The following SORCS2 variants were observed in gnomAD, a reference collection of about 807,000 sequenced individuals.
SORCS2 encodes VPS10 domain-containing receptor SorCS2.
SORCS2 carries 100 observed loss-of-function variants against 141.6 expected under a neutral mutation model. That is an observed-to-expected ratio of 0.71 (90% CI 0.60 to 0.83). The LOEUF is 0.83. Among genes scored for constraint, SORCS2 ranks in the 40% least tolerant of loss-of-function variants. The pLI is 0.00. For missense variants in SORCS2, 1,646 were observed against 1,560.2 expected (o/e 1.05, Z -0.93); for synonymous variants, 789 against 676.9 (o/e 1.17, Z -2.57).
At chr4:7,490,814 T>A (rs1203249570) in intron 2 of SORCS2, among the ~76,000 whole-genome samples, 2 of 152,100 alleles carry the variant, frequency 1.3e-5, no homozygotes, top group African/African-American at 4.8e-5. Flanking sequence ...CCTCGGGGTG[T>A]CCCCGCTGCA....
intron 11 of SORCS2, among the ~76,000 whole-genome samples, chr4:7,690,361 G>A (rs558325167): frequency 1.0e-3 from 156 of 151,498 alleles, no homozygotes; most frequent in African/African-American, 3.7e-3. Flanking sequence ...ATGGATGGAT[G>A]AGTGGGTGGA....
intron 14 of SORCS2, among the ~76,000 whole-genome samples, chr4:7,707,691 G>C (rs1421592106): frequency 6.6e-6 from 1 of 152,230 alleles, no homozygotes; most frequent in African/African-American, 2.4e-5. Context: ...GGCTTCACTG[G>C]TGCGTCCCCA....
At chr4:7,426,939 G>T (rs780874907) in intron 2 of SORCS2, among the ~76,000 whole-genome samples, 12 of 152,222 alleles carry the variant, frequency 7.9e-5, no homozygotes, top group Non-Finnish European at 1.6e-4. Flanking sequence ...ATGTGTTTTG[G>T]AGCGATGGGG....
At chr4:7,300,668 CTG>C (rs1362089270) in intron 1 of SORCS2, among the ~76,000 whole-genome samples, 1 of 152,228 alleles carries the variant, frequency 6.6e-6, no homozygotes, top group Non-Finnish European at 1.5e-5. Flanking sequence ...ACTTGCCAGT[CTG>C]TGAATTCCCC....
intron 2 of SORCS2, among the ~76,000 whole-genome samples, chr4:7,477,823 G>A (rs566964590): frequency 6.6e-6 from 1 of 152,324 alleles, no homozygotes; most frequent in South Asian, 2.1e-4. Context: ...AACAGACTGG[G>A]CTTAATTGCT....
intron 1 of SORCS2, among the ~76,000 whole-genome samples, chr4:7,287,101 C>T (rs944998693): frequency 6.6e-6 from 1 of 152,188 alleles, no homozygotes; most frequent in African/African-American, 2.4e-5. Context: ...TTCATCTGTG[C>T]ACTCCCTGAG....
chr4:7,450,629 C>A (rs1463921866), intron 2 of SORCS2, among the ~76,000 whole-genome samples: 1 of 152,216 alleles, frequency 6.6e-6, no homozygotes, highest in Non-Finnish European at 1.5e-5. Flanking sequence ...GCTCTCCTGC[C>A]CTGAGCTCCA....
At chr4:7,556,429 A>C (rs1325651671) in intron 3 of SORCS2, among the ~76,000 whole-genome samples, 1 of 152,132 alleles carries the variant, frequency 6.6e-6, no homozygotes, top group African/African-American at 2.4e-5. Context: ...CTGGGCCCAG[A>C]GGAGCCCACC....
chr4:7,703,760 C>T (rs1299470145), intron 13 of SORCS2, among the ~76,000 whole-genome samples: 1 of 152,178 alleles, frequency 6.6e-6, no homozygotes, highest in African/African-American at 2.4e-5. Context: ...GAAGGGAGGG[C>T]AGGCGTGAAC....
At chr4:7,344,148 C>T (rs1720521871) in intron 1 of SORCS2, among the ~76,000 whole-genome samples, 1 of 152,246 alleles carries the variant, frequency 6.6e-6, no homozygotes, top group Non-Finnish European at 1.5e-5. Context: ...GTGCACGTGT[C>T]TGCTGTCCTT....
chr4:7,440,109 T>G (rs1471942436), intron 2 of SORCS2, among the ~76,000 whole-genome samples: 1 of 152,218 alleles, frequency 6.6e-6, no homozygotes, highest in Non-Finnish European at 1.5e-5. Flanking sequence ...ATTTATTTTT[T>G]TATTGTAAAC....
At position 7,740,374 on chromosome 4, in the gene SORCS2, C is replaced by A; in HGVS notation, c.*110C>A. The A allele has an allele frequency of 4.1e-6, 4 of 979,790 alleles. No individual in the cohort carries two copies. Among genetic ancestry groups the A allele is most frequent in the East Asian group, 5.3e-5 (2 of 37,922 alleles). The allele number at this position is 979,790 out of a possible 1,614,324, so 60.7% of individuals were successfully genotyped here. A position where few individuals can be genotyped will look rare whatever the true frequency, so the allele number is the denominator to read the frequency against. ...CCTGCGGAAAGCCCCCTCCCTGAGT[C>A]GTCGCCACACCAGGCGACAGGCACC... On this transcript the variant is annotated 3_prime_UTR_variant, in exon 27 of 27. Coordinates refer to ENST00000507866, the MANE Select transcript of SORCS2 (RefSeq NM_020777.3).
chr4:7,456,536 C>G (rs1171546639), intron 2 of SORCS2, among the ~76,000 whole-genome samples: 1 of 152,148 alleles, frequency 6.6e-6, no homozygotes, highest in Non-Finnish European at 1.5e-5. Flanking sequence ...ACTGTTGTCC[C>G]TCCCCACCTG....
In SORCS2 at chr4:7,527,998, C is replaced by T. The variant is rs139054260; in HGVS notation, c.549-3532C>T. ...CTGTTGGCATCGCTGCTCCCGGCTG[C>T]AGTGTCTGTCTCCTTGTGCTCTCTC... On this transcript the variant is annotated intron_variant, in intron 2 of 26. Coordinates refer to ENST00000507866, the MANE Select transcript of SORCS2 (RefSeq NM_020777.3). Among the ~76,000 whole-genome samples the T allele has an allele frequency of 2.8e-3, 429 of 152,138 alleles. 1 individual carries two copies. The highest frequency in any genetic ancestry group is 9.5e-3 in the African/African-American group (393 of 41,500).
At chr4:7,353,447 A>T (rs1267326210) in intron 1 of SORCS2, among the ~76,000 whole-genome samples, 3 of 152,218 alleles carry the variant, frequency 2.0e-5, no homozygotes, top group African/African-American at 7.2e-5. Context: ...TCAGCCTGAT[A>T]TGCGGGTTCC....
chr4:7,679,947 G>C (rs996789431), intron 9 of SORCS2, among the ~76,000 whole-genome samples: 1 of 152,266 alleles, frequency 6.6e-6, no homozygotes, highest in East Asian at 1.9e-4. Context: ...TAAAATGGCA[G>C]TTACCCAATA....
chr4:7,389,365 G>A (rs979599937), intron 1 of SORCS2, among the ~76,000 whole-genome samples: 13 of 152,118 alleles, frequency 8.5e-5, no homozygotes, highest in South Asian at 4.1e-4. Context: ...GACGTGACCC[G>A]TACCAGCGAG....
At chr4:7,375,457 C>T (rs532115206) in intron 1 of SORCS2, among the ~76,000 whole-genome samples, 9 of 152,128 alleles carry the variant, frequency 5.9e-5, no homozygotes, top group Non-Finnish European at 1.2e-4. Flanking sequence ...AGCAGGATAC[C>T]GCGGTGGGAT....
Position 7,737,114 on chromosome 4 carries a change from G to A in SORCS2, c.3357G>A (p.Lys1119=), listed in dbSNP as rs1414985000. ...RTVYAQMHNE[K]EQEMTSPVSH... ...TGTACGCCCAAATGCACAACGAGAA[G>A]GAGCAGGAGATGACCAGCCCTGTGA... Residue 1119 remains lysine (K), a synonymous_variant, in exon 26 of 27, where the codon AAG becomes AAA. Coordinates refer to ENST00000507866, the MANE Select transcript of SORCS2 (RefSeq NM_020777.3). 2.6e-6 allele frequency: 4 copies of A among 1,551,484 alleles called. No homozygotes were observed. The highest frequency in any genetic ancestry group is 3.5e-6 in the Non-Finnish European group (4 of 1,146,968).
Sources: allele counts gnomAD v4.1 joint callset (sites outside exome capture counted in the v4.1 genomes callset), GRCh38; gene constraint gnomAD v4.1.1; transcripts MANE v1.5; gene names NCBI Gene and HGNC (gene_info 2026-07-23, HGNC 2026-07-21).